The following TLK1 variants were observed in gnomAD, a reference collection of about 807,000 sequenced individuals.
TLK1 encodes serine/threonine-protein kinase tousled-like 1.
A neutral mutation model predicts 105.3 loss-of-function variants in TLK1; 24 were observed. That is an observed-to-expected ratio of 0.23 (90% CI 0.17 to 0.32). The LOEUF (loss-of-function observed/expected upper bound fraction) is 0.32. Among genes scored for constraint, TLK1 ranks in the 10% least tolerant of loss-of-function variants. TLK1 has a pLI of 1.00. For synonymous variants in TLK1, 321 were observed against 310.4 expected (o/e 1.03, Z -0.36); for missense variants, 558 against 910.5 (o/e 0.61, Z 4.98).
chr2:171,084,230 G>A (rs1168839305), intron 2 of TLK1, among the ~76,000 whole-genome samples: 1 of 152,068 alleles, frequency 6.6e-6, no homozygotes, highest in Non-Finnish European at 1.5e-5. Flanking sequence ...CAGAAGCTAG[G>A]TTAACTTAAG....
At chr2:171,154,466 CT>C (rs1407974308) in intron 1 of TLK1, 2 of 151,840 alleles carry the variant, frequency 1.3e-5, no homozygotes, top group Non-Finnish European at 2.9e-5. Context: ...GCCCAACTGT[CT>C]TACAGTGAAA....
chr2:171,088,496 T>C (rs1449632698), intron 2 of TLK1, among the ~76,000 whole-genome samples: 1 of 152,188 alleles, frequency 6.6e-6, no homozygotes, highest in Non-Finnish European at 1.5e-5. Context: ...GAAAGACACA[T>C]TTTTAAAAAA....
At chr2:171,076,842 A>C (rs1688535138) in intron 3 of TLK1, among the ~76,000 whole-genome samples, 1 of 151,766 alleles carries the variant, frequency 6.6e-6, no homozygotes, top group African/African-American at 2.4e-5. Context: ...TGAACCCGGG[A>C]GGCAGAGCTT....
At chr2:171,061,335 T>C (rs1687737769) in intron 3 of TLK1, among the ~76,000 whole-genome samples, 179 bp from the exon 4 acceptor site, 2 of 152,218 alleles carry the variant, frequency 1.3e-5, no homozygotes, top group African/African-American at 4.8e-5. Context: ...ATTGTATACA[T>C]TTTAAAATTC....
At chr2:171,072,515 T>C (rs990988501) in intron 3 of TLK1, among the ~76,000 whole-genome samples, 1 of 152,056 alleles carries the variant, frequency 6.6e-6, no homozygotes, top group African/African-American at 2.4e-5. Context: ...TCTAGCACTT[T>C]GGGAGGCCAA....
intron 20 of TLK1, 119 bp downstream of exon 20, chr2:170,996,534 C>G: frequency 1.4e-6 from 1 of 724,460 alleles, no homozygotes; most frequent in Non-Finnish European, 2.3e-6. Context: ...CCCTGCTGGA[C>G]AGATCCCCTG....
intron 8 of TLK1, among the ~76,000 whole-genome samples, chr2:171,052,545 GT>G (rs1687291850): frequency 1.3e-5 from 2 of 152,112 alleles, no homozygotes; most frequent in Admixed American, 1.3e-4. Flanking sequence ...ACAAACTACA[GT>G]TATACTCATC....
intron 3 of TLK1, among the ~76,000 whole-genome samples, chr2:171,075,132 G>T (rs1037819345): frequency 2.6e-5 from 4 of 151,772 alleles, no homozygotes; most frequent in Non-Finnish European, 5.9e-5. Flanking sequence ...TTTTCAAATA[G>T]AATCATAGCT....
At chr2:171,208,426 TTTTA>T (rs1343991577) in intron 1 of TLK1, among the ~76,000 whole-genome samples, 1 of 152,108 alleles carries the variant, frequency 6.6e-6, no homozygotes, top group African/African-American at 2.4e-5. Context: ...ATTTTCTGAG[TTTTA>T]TTTATTAGCT....
intron 8 of TLK1, among the ~76,000 whole-genome samples, chr2:171,051,653 A>G (rs1433252839): frequency 2.0e-5 from 3 of 150,648 alleles, no homozygotes; most frequent in Non-Finnish European, 4.4e-5. Context: ...ATAAGCTTCT[A>G]TCTCATCTGA....
intron 1 of TLK1, among the ~76,000 whole-genome samples, chr2:171,140,508 G>C (rs571328659): frequency 1.3e-5 from 2 of 152,296 alleles, no homozygotes; most frequent in South Asian, 4.1e-4. Flanking sequence ...GGGTTAGCCA[G>C]ACAAAAATGA....
intron 19 of TLK1, among the ~76,000 whole-genome samples, chr2:170,997,409 G>C (rs1221654239): frequency 6.6e-6 from 1 of 152,114 alleles, no homozygotes; most frequent in Non-Finnish European, 1.5e-5. Flanking sequence ...GAGGTCAAGT[G>C]AATGGTGGAT....
intron 3 of TLK1, among the ~76,000 whole-genome samples, chr2:171,071,389 G>A (rs1688248129): frequency 6.6e-6 from 1 of 151,998 alleles, no homozygotes; most frequent in Admixed American, 6.6e-5. Context: ...CCGGGTTCAC[G>A]CCATTCTCCC....
intron 13 of TLK1, 75 bp downstream of exon 13, chr2:171,014,776 T>C: frequency 9.2e-7 from 1 of 1,082,516 alleles, no homozygotes; most frequent in Non-Finnish European, 1.4e-6. Flanking sequence ...AAGAAGGAAA[T>C]ATTGTGTTTA....
intron 20 of TLK1, chr2:170,994,590 C>A: frequency 8.9e-6 from 3 of 335,808 alleles, no homozygotes; most frequent in Non-Finnish European, 1.2e-5. Flanking sequence ...GAAATGCACA[C>A]AAATCGTTAA....
intron 3 of TLK1, among the ~76,000 whole-genome samples, chr2:171,080,401 T>C (rs1009631104): frequency 2.6e-5 from 4 of 151,702 alleles, no homozygotes; most frequent in African/African-American, 9.7e-5. Flanking sequence ...TTTCTTCTCA[T>C]GTTTACTTAA....
intron 11 of TLK1, among the ~76,000 whole-genome samples, chr2:171,033,987 T>C (rs1163293086): frequency 6.7e-6 from 1 of 149,346 alleles, no homozygotes; most frequent in Non-Finnish European, 1.5e-5. Flanking sequence ...CCAAACAAGA[T>C]ATATAAAGAC....
chr2:171,077,550 T>A (rs1459703172), intron 3 of TLK1, among the ~76,000 whole-genome samples: 1 of 152,244 alleles, frequency 6.6e-6, no homozygotes, highest in African/African-American at 2.4e-5. Context: ...TTTGTTCCCA[T>A]TAATCTACTA....
chr2:171,223,498 T>TC (rs397986644), intron 1 of TLK1, among the ~76,000 whole-genome samples: 1 of 150,862 alleles, frequency 6.6e-6, no homozygotes, highest in Non-Finnish European at 1.5e-5. Flanking sequence ...TTTTTTTTTT[T>TC]GGAAGGACTC....
Sources: allele counts gnomAD v4.1 joint callset (sites outside exome capture counted in the v4.1 genomes callset), GRCh38; gene constraint gnomAD v4.1.1; transcripts MANE v1.5; gene names NCBI Gene and HGNC (gene_info 2026-07-23, HGNC 2026-07-21).